Variants in NFE2L3 observed in about 807,000 individuals in gnomAD.
NFE2L3 encodes NFE2 like bZIP transcription factor 3.
NFE2L3 carries 18 observed loss-of-function variants against 23.5 expected under a neutral mutation model. The ratio of observed to expected loss-of-function variants is 0.77; its 90% confidence interval spans 0.53 to 1.13. NFE2L3 has a LOEUF of 1.13. Among genes scored for constraint, NFE2L3 ranks in the 50% most tolerant of loss-of-function variants. The pLI is 0.00. For synonymous variants in NFE2L3, 424 were observed against 354.5 expected, an observed-to-expected ratio of 1.20 and a Z score of -2.20; for missense variants, 1,152 against 877.2, an observed-to-expected ratio of 1.31 and a Z score of -3.96.
intron 1 of NFE2L3, among the ~76,000 whole-genome samples, chr7:26,172,900 T>A (rs1784347914): frequency 6.6e-6 from 1 of 152,230 alleles, no homozygotes; most frequent in African/African-American, 2.4e-5. Context: ...AGTGATACTT[T>A]GAGACTCTTT....
At chr7:26,183,358 G>A (rs181853813) in intron 2 of NFE2L3, among the ~76,000 whole-genome samples, 11 of 148,282 alleles carry the variant, frequency 7.4e-5, no homozygotes, top group Admixed American at 2.7e-4. Flanking sequence ...GACCAACTTG[G>A]CCAACATGGT....
intron 2 of NFE2L3, among the ~76,000 whole-genome samples, chr7:26,178,765 C>T (rs1045408840): frequency 1.3e-5 from 2 of 152,334 alleles, no homozygotes; most frequent in East Asian, 1.9e-4. Context: ...GATTTCTCTT[C>T]AGCCCTGCTG....
At chr7:26,182,780 A>G (rs1180378137) in intron 2 of NFE2L3, among the ~76,000 whole-genome samples, 3 of 152,082 alleles carry the variant, frequency 2.0e-5, no homozygotes, top group African/African-American at 7.2e-5. Context: ...AAATTGGAGT[A>G]AATGTAAATA....
chr7:26,173,486 A>C (rs994937828), intron 1 of NFE2L3: 1 of 152,216 alleles, frequency 6.6e-6, no homozygotes, highest in Admixed American at 6.5e-5. Flanking sequence ...CGAGATTAGA[A>C]GTTTCTCTCT....
chr7:26,156,249 G>C (rs959960413), intron 1 of NFE2L3, among the ~76,000 whole-genome samples: 3 of 152,220 alleles, frequency 2.0e-5, no homozygotes, highest in Non-Finnish European at 2.9e-5. Flanking sequence ...CTTAGAACTT[G>C]CCTGTCACTT....
chr7:26,185,854 C>T lies in NFE2L3; in HGVS notation c.*71C>T. On this transcript the variant is annotated 3_prime_UTR_variant, in exon 4 of 4. Transcript: ENST00000056233. ...GAAACTGATTATTTGGATCAGAAAC[C>T]ATTGAAACTGCTTCAAGAATTGTAT... is the stretch of plus-strand genomic sequence containing the variant. The T allele has an allele frequency of 2.4e-6, 3 of 1,232,556 alleles. No individual in the cohort carries two copies. The South Asian group carries it at 4.8e-5, about 20-fold the overall frequency. 76.4% of individuals were successfully genotyped at this position (1,232,556 alleles called of 1,614,324 possible).
chr7:26,159,835 G>A (rs1269522211), intron 1 of NFE2L3, among the ~76,000 whole-genome samples: 2 of 151,968 alleles, frequency 1.3e-5, no homozygotes, highest in African/African-American at 4.8e-5. Flanking sequence ...CTGTTCTTAA[G>A]CACTGAGTAA....
At chr7:26,155,886 G>A (rs1045038789) in intron 1 of NFE2L3, among the ~76,000 whole-genome samples, 15 of 152,142 alleles carry the variant, frequency 9.9e-5, no homozygotes, top group African/African-American at 3.4e-4. Flanking sequence ...ACTCCAGGGG[G>A]AGGTGTGCTG....
intron 1 of NFE2L3, among the ~76,000 whole-genome samples, chr7:26,173,366 T>G (rs1784354168): frequency 6.6e-6 from 1 of 152,194 alleles, no homozygotes; most frequent in Non-Finnish European, 1.5e-5. Flanking sequence ...GTAATATAGG[T>G]GACATTCTTG....
At chr7:26,168,134 T>TA (rs1562672108) in intron 1 of NFE2L3, among the ~76,000 whole-genome samples, 1 of 139,488 alleles carries the variant, frequency 7.2e-6, no homozygotes, top group East Asian at 2.3e-4. Context: ...GTCATTCTTG[T>TA]CTTTTTTTTT....
chr7:26,152,569 C>A lies in NFE2L3; in HGVS notation c.71C>A (p.Ala24Glu). The change falls in exon 1 of 4, where the codon GCG becomes GAG. Residue 24 changes from alanine (A) to glutamate (E), a missense_variant. Physicochemically the swap from Ala to Glu is moderately radical, Grantham distance 107. Coordinates refer to ENST00000056233, the MANE Select transcript of NFE2L3 (RefSeq NM_004289.7). The surrounding 1 kb of genome is among the most constrained non-coding windows in gnomAD (Gnocchi z 4.4). ...CACCTCACCCTCCTGCTGAGCTTGG[C>A]GGGGCTCCGCGTAGACCTAGATCTT... is the stretch of plus-strand genomic sequence containing the variant. Reference protein sequence around the residue: ...LLHLTLLLSLAGLRVDLDLYL... With the variant: ...LLHLTLLLSLEGLRVDLDLYL... 6.5e-7 allele frequency: 1 copy of A among 1,529,476 alleles called. No individual in the cohort carries two copies. The highest frequency in any genetic ancestry group is 8.7e-7 in the Non-Finnish European group (1 of 1,147,582). The allele number at this position is 1,529,476 out of a possible 1,614,324, so 94.7% of individuals were successfully genotyped here.
intron 3 of NFE2L3, chr7:26,184,177 T>C: frequency 3.0e-6 from 1 of 336,816 alleles, no homozygotes; most frequent in Non-Finnish European, 5.4e-6. Flanking sequence ...ACTACTTCAC[T>C]GTAGTTTATT....
intron 1 of NFE2L3, among the ~76,000 whole-genome samples, chr7:26,170,735 G>C (rs1784319742): frequency 6.6e-6 from 1 of 152,118 alleles, no homozygotes. Flanking sequence ...TTCAAAACCA[G>C]GATAACAGTG....
rs1424515498 is a variant in NFE2L3, at chr7:26,186,775, A to AG, written c.*995dup. On this transcript the variant is annotated 3_prime_UTR_variant, in exon 4 of 4. Transcript: ENST00000056233. ...TGTTTAAAATGGGCAAAAGCGATTA[A>AG]GGGAAAAAAAACAGGTGAATTTGAA... is the stretch of plus-strand genomic sequence containing the variant. The AG allele has an allele frequency of 2.6e-5, 4 of 152,346 alleles. No individual in the cohort carries two copies. The highest frequency in any genetic ancestry group is 1.9e-4 in the East Asian group (1 of 5,188). 9.4% of individuals were successfully genotyped at this position (152,346 alleles called of 1,614,324 possible). A position where few individuals can be genotyped will look rare whatever the true frequency, so the allele number is the denominator to read the frequency against.
At position 26,186,494 on chromosome 7, in the gene NFE2L3, A is replaced by AATACT. The variant is rs1433363334; in HGVS notation, c.*714_*718dup. The AATACT allele has an allele frequency of 1.3e-5, 2 of 152,092 alleles. No individual in the cohort carries two copies. Among genetic ancestry groups the AATACT allele is most frequent in the Non-Finnish European group, 2.9e-5 (2 of 68,074 alleles). 9.4% of individuals were successfully genotyped at this position (152,092 alleles called of 1,614,324 possible). On this transcript the variant is annotated 3_prime_UTR_variant, in exon 4 of 4. Coordinates refer to ENST00000056233, the MANE Select transcript of NFE2L3 (RefSeq NM_004289.7). ...CCCTACCCCAATACTTAACACACAG[A>AATACT]ATACTATGTGATATAGAATGCACTG...
chr7:26,153,036 C>G lies in NFE2L3; in HGVS notation c.538C>G (p.Gln180Glu). Residue 180 changes from glutamine (Q) to glutamate (E), a missense_variant, in exon 1 of 4, where the codon CAG becomes GAG. Transcript: ENST00000056233. ...GAAGGCACCCGCGGAACCGACGGCT[C>G]AGGTGCCGGACGCTGGCGGATGTGC... is the stretch of plus-strand genomic sequence containing the variant. Reference protein sequence around the residue: ...EEKAPAEPTAQVPDAGGCASE... With the variant: ...EEKAPAEPTAEVPDAGGCASE... The G allele has an allele frequency of 6.6e-7, 1 of 1,526,606 alleles. No homozygotes were observed. The allele number at this position is 1,526,606 out of a possible 1,614,324, so 94.6% of individuals were successfully genotyped here.
At chr7:26,174,590 CAG>C (rs897225110) in intron 1 of NFE2L3, 7 of 152,338 alleles carry the variant, frequency 4.6e-5, no homozygotes, top group African/African-American at 1.7e-4. Context: ...GGCACAGTGT[CAG>C]AGTTAGGCAC....
intron 1 of NFE2L3, among the ~76,000 whole-genome samples, chr7:26,162,379 A>AG (rs1784186041): frequency 6.6e-6 from 1 of 152,086 alleles, no homozygotes; most frequent in African/African-American, 2.4e-5. Flanking sequence ...TGATGATAAG[A>AG]GTGCTGATCA....
intron 1 of NFE2L3, among the ~76,000 whole-genome samples, chr7:26,163,763 C>T (rs890930850): frequency 2.6e-5 from 4 of 152,156 alleles, no homozygotes; most frequent in Admixed American, 6.6e-5. Flanking sequence ...CCCATTAACT[C>T]GTCATTTACA....
Sources: allele counts gnomAD v4.1 joint callset (sites outside exome capture counted in the v4.1 genomes callset), GRCh38; gene constraint gnomAD v4.1.1; non-coding constraint Gnocchi (gnomAD v3.1); transcripts MANE v1.5; gene names NCBI Gene and HGNC (gene_info 2026-07-23, HGNC 2026-07-21).